GPAT4: variants seen among roughly 807,000 people sequenced by gnomAD.
GPAT4 encodes the protein 1-AGP acyltransferase 6.
Under a neutral mutation model 58.0 loss-of-function variants are expected in GPAT4, and 17 were observed. The ratio of observed to expected loss-of-function variants is 0.29; its 90% CI spans 0.20 to 0.44. The LOEUF (loss-of-function observed/expected upper bound fraction) is 0.44, where lower values mean the gene tolerates loss of function less well. GPAT4 is among the 20% of genes least tolerant of loss of function. GPAT4 has a pLI of 1.00. For synonymous variants in GPAT4, 204 were observed against 210.1 expected (o/e 0.97, Z 0.25); for missense variants, 377 against 574.5 (o/e 0.66, Z 3.51).
chr8:41,615,069 C>T, intron 10 of GPAT4, 21 bp downstream of exon 10: 1 of 1,591,802 alleles, frequency 6.3e-7, no homozygotes, highest in Non-Finnish European at 8.6e-7. Flanking sequence ...TCCGATGGTA[C>T]ACACTGTCAT....
intron 2 of GPAT4, among the ~76,000 whole-genome samples, chr8:41,607,366 C>G (rs1432530701): frequency 6.6e-6 from 1 of 152,170 alleles, no homozygotes; most frequent in African/African-American, 2.4e-5. Context: ...TGTAGAATCT[C>G]AATTAGCAGA....
chr8:41,606,381 T>G (rs1405938795), intron 2 of GPAT4, among the ~76,000 whole-genome samples: 1 of 152,034 alleles, frequency 6.6e-6, no homozygotes, highest in Admixed American at 6.6e-5. Context: ...TTTGCTTGGT[T>G]TGGGTTTGGG....
At chr8:41,594,703 A>G (rs920628527) in intron 1 of GPAT4, among the ~76,000 whole-genome samples, 3 of 151,348 alleles carry the variant, frequency 2.0e-5, no homozygotes, top group Non-Finnish European at 1.5e-5. Flanking sequence ...CCGCCACCAC[A>G]CCTGGCTAAT....
At chr8:41,603,052 C>T (rs146517034) in intron 2 of GPAT4, among the ~76,000 whole-genome samples, 338 of 152,260 alleles carry the variant, frequency 2.2e-3, no homozygotes, top group African/African-American at 6.1e-3. Flanking sequence ...TTTGAGGGGA[C>T]ATAAGCATTT....
rs201629105 is a variant in GPAT4 at position 41,609,610 on chromosome 8, G to C, written c.236-45G>C. The C allele has an allele frequency of 4.4e-6, 7 of 1,605,222 alleles. No individual in the cohort carries two copies. The African/African-American group carries it at 8.0e-5, about 18-fold the overall frequency. ...TGTGTGCTCTGAGTATGTCTCACGT[G>C]CTCTCCCCCAGCGTGCTGCTTGACA... On this transcript the variant is annotated intron_variant, in intron 3 of 12. Transcript: ENST00000396987.
In GPAT4 at chr8:41,612,899, G is replaced by T; in HGVS notation, c.850G>T (p.Ala284Ser). ...TGTGATTCAGAGAGCCATGGTGAAG[G>T]CCTGCCCACACGTCTGGTTTGAGCG... ...MGVIQRAMVK[A>S]CPHVWFERSE... Residue 284 changes from alanine (A) to serine (S), a missense_variant, in exon 8 of 13, where the codon GCC (alanine) becomes TCC (serine). Coordinates refer to ENST00000396987, the MANE Select transcript of GPAT4 (RefSeq NM_178819.4). 2 of 1,614,126 alleles carry T rather than the reference G, an allele frequency of 1.2e-6. No homozygotes were observed. Among genetic ancestry groups the T allele is most frequent in the Non-Finnish European group, 8.5e-7 (1 of 1,180,026 alleles).
At chr8:41,614,854 G>C (rs1803549063) in intron 9 of GPAT4, 109 bp from the exon 10 acceptor site, 1 of 868,724 alleles carries the variant, frequency 1.2e-6, no homozygotes, top group Admixed American at 2.4e-5. Context: ...TATCTTACTG[G>C]AGGAACCATT....
chr8:41,601,617 A>C (rs1803100554), intron 2 of GPAT4, among the ~76,000 whole-genome samples: 1 of 152,206 alleles, frequency 6.6e-6, no homozygotes, highest in South Asian at 2.1e-4. Flanking sequence ...TAATTATTAA[A>C]AGGTAGAAGT....
At chr8:41,614,561 T>A in intron 9 of GPAT4, 120 bp downstream of exon 9, 1 of 984,270 alleles carries the variant, frequency 1.0e-6, no homozygotes, top group Non-Finnish European at 1.6e-6. Context: ...CACTGAATAA[T>A]GTTAGGTCCC....
intron 1 of GPAT4, among the ~76,000 whole-genome samples, chr8:41,593,025 A>C (rs1420344477): frequency 6.6e-6 from 1 of 152,198 alleles, no homozygotes; most frequent in African/African-American, 2.4e-5. Context: ...GTCCTAATTC[A>C]TAACAAATAT....
At chr8:41,595,768 C>T (rs1802914460) in intron 1 of GPAT4, among the ~76,000 whole-genome samples, 2 of 152,250 alleles carry the variant, frequency 1.3e-5, no homozygotes, top group South Asian at 2.1e-4. Flanking sequence ...CTCTGCCTCT[C>T]TCCCTCCTTG....
At chr8:41,619,008 G>GT in intron 12 of GPAT4, 31 bp downstream of exon 12, 1 of 1,610,748 alleles carries the variant, frequency 6.2e-7, no homozygotes, top group Non-Finnish European at 8.5e-7. Flanking sequence ...TTTCAGCTGA[G>GT]TTTCTGCAGC....
chr8:41,603,023 C>T (rs1803147384), intron 2 of GPAT4, among the ~76,000 whole-genome samples: 1 of 152,126 alleles, frequency 6.6e-6, no homozygotes, highest in South Asian at 2.1e-4. Context: ...CACCTTGGGG[C>T]TTAGGTTTCA....
At chr8:41,610,932 A>G in intron 5 of GPAT4, 122 bp downstream of exon 5, 1 of 1,063,692 alleles carries the variant, frequency 9.4e-7, no homozygotes, top group African/African-American at 1.6e-5. Context: ...GATGGATTAA[A>G]TAACCCAGTG....
chr8:41,596,664 A>T (rs1432362188), intron 1 of GPAT4, among the ~76,000 whole-genome samples: 1 of 152,228 alleles, frequency 6.6e-6, no homozygotes, highest in East Asian at 1.9e-4. Context: ...GGCTGGTCTG[A>T]GTCCCCCGCA....
At chr8:41,595,598 C>G (rs373721471) in intron 1 of GPAT4, among the ~76,000 whole-genome samples, 2 of 152,168 alleles carry the variant, frequency 1.3e-5, no homozygotes, top group Admixed American at 6.5e-5. Context: ...TGTAGGGTCA[C>G]GGAGAAGACC....
chr8:41,589,144 A>G (rs1162774665), intron 1 of GPAT4, among the ~76,000 whole-genome samples: 1 of 152,234 alleles, frequency 6.6e-6, no homozygotes, highest in Admixed American at 6.5e-5. Context: ...AGTCTGTATT[A>G]AGGGGACCTT....
Position 41,578,249 on chromosome 8 carries a change from G to A in GPAT4, c.-878G>A, listed in dbSNP as rs1238810578. The stretch of plus-strand genomic sequence containing the variant: ...AAGGGCGGGAGGGAGCGGTCGCCGC[G>A]GGATTTGGAGCTGCCTAGCCTCGCG... On this transcript the variant is annotated 5_prime_UTR_variant, in exon 1 of 13. Transcript: ENST00000396987. 1 of 151,606 alleles carries A rather than the reference G, an allele frequency of 6.6e-6. No homozygotes were observed. Among genetic ancestry groups the A allele is most frequent in the Non-Finnish European group, 1.5e-5 (1 of 67,918 alleles). 9.4% of individuals were successfully genotyped at this position (151,606 alleles called of 1,614,324 possible). A position where few individuals can be genotyped will look rare whatever the true frequency, so the allele number is the denominator to read the frequency against.
chr8:41,613,050 C>A, intron 8 of GPAT4, 90 bp downstream of exon 8: 1 of 1,058,706 alleles, frequency 9.4e-7, no homozygotes, highest in South Asian at 1.5e-5. Context: ...CAGTTACGTG[C>A]CTTCTATCAT....
Sources: allele counts gnomAD v4.1 joint callset (sites outside exome capture counted in the v4.1 genomes callset), GRCh38; gene constraint gnomAD v4.1.1; transcripts MANE v1.5; gene names NCBI Gene and HGNC (gene_info 2026-07-23, HGNC 2026-07-21).